The following SNX5 variants were observed in gnomAD, a reference collection of about 807,000 sequenced individuals.
SNX5 encodes the protein sorting nexin-5.
In SNX5, 31 loss-of-function variants were observed where a neutral mutation model predicts 53.9. The observed-to-expected ratio is 0.58, with a 90% confidence interval of 0.43 to 0.78. The LOEUF is 0.78. Ranked by LOEUF, SNX5 falls within the 30% of genes least tolerant of loss-of-function variation. The pLI is 0.00. For missense variants in SNX5, 471 were observed against 478.8 expected, an observed-to-expected ratio of 0.98 and a Z score of 0.15; for synonymous variants, 168 against 171.1, an observed-to-expected ratio of 0.98 and a Z score of 0.14.
At chr20:17,951,641 T>C (rs986903188) in intron 5 of SNX5, 46 bp from the exon 6 acceptor site, 16 of 1,297,794 alleles carry the variant, frequency 1.2e-5, no homozygotes, top group Non-Finnish European at 1.8e-5. Context: ...TGGATTTTTC[T>C]AGATTCTCTT....
chr20:17,942,920 A>C (rs2039437046), intron 12 of SNX5, 190 bp downstream of exon 12: 1 of 531,274 alleles, frequency 1.9e-6, no homozygotes, highest in Admixed American at 3.2e-5. Flanking sequence ...AAAGTTGCTA[A>C]AAATTAGTCA....
intron 10 of SNX5, 57 bp downstream of exon 10, chr20:17,948,833 T>G (rs1331331135): frequency 7.0e-7 from 1 of 1,426,766 alleles, no homozygotes; most frequent in Non-Finnish European, 9.8e-7. Flanking sequence ...AAAGAAACTT[T>G]TTAAACAGAC....
chr20:17,947,696 A>G lies in SNX5; in HGVS notation c.919-51T>C, dbSNP rs755917383. ...ATACTAAGTATCTAAACCAGTCTAA[A>G]AAATAGCCCAAGTGCCAATGTACCA... On this transcript the variant is annotated intron_variant, in intron 10 of 12. Transcript: ENST00000377759. 2.7e-6 allele frequency: 4 copies of G among 1,500,052 alleles called. No individual in the cohort carries two copies. In the South Asian group the frequency reaches 5.1e-5, roughly 19 times the overall value. The allele number at this position is 1,500,052 out of a possible 1,614,324, so 92.9% of individuals were successfully genotyped here.
chr20:17,960,062 TG>T (rs1377409363), intron 1 of SNX5, among the ~76,000 whole-genome samples: 1 of 152,218 alleles, frequency 6.6e-6, no homozygotes, highest in African/African-American at 2.4e-5. Flanking sequence ...GCCTTGGGCA[TG>T]CCGGACCTTT....
chr20:17,952,677 G>A lies in SNX5; in HGVS notation c.423C>T (p.Ser141=), dbSNP rs984501724. The change falls in exon 5 of 13, where the codon TCC becomes TCT. Residue 141 remains serine, a synonymous_variant. Coordinates refer to ENST00000377759, the MANE Select transcript of SNX5 (RefSeq NM_014426.4). The part of the protein sequence containing the change: ...EYLAVFKKTV[S]SHEVFLQRLS... The stretch of plus-strand genomic sequence containing the variant: ...GCCGCTGAAGAAAGACTTCATGGGA[G>A]GACACAGTCTTCTTAAACACAGCGA... 5 of 1,613,946 alleles carry A rather than the reference G, an allele frequency of 3.1e-6. No homozygotes were observed. Among genetic ancestry groups the A allele is most frequent in the Non-Finnish European group, 3.4e-6 (4 of 1,179,920 alleles).
chr20:17,959,638 C>CCAT (rs2035417545), intron 1 of SNX5, among the ~76,000 whole-genome samples: 1 of 152,284 alleles, frequency 6.6e-6, no homozygotes, highest in Admixed American at 6.5e-5. Flanking sequence ...AGCATCCAGG[C>CCAT]CATCATTAAC....
chr20:17,946,424 C>T (rs189028241), intron 11 of SNX5, among the ~76,000 whole-genome samples: 227 of 152,268 alleles, frequency 1.5e-3, no homozygotes, highest in Middle Eastern at 0.01. Context: ...CTAAAAAAGA[C>T]GGGTTAGGCT....
chr20:17,942,605 AGTG>A, intron 12 of SNX5, 198 bp from the exon 13 acceptor site: 2 of 601,978 alleles, frequency 3.3e-6, no homozygotes, highest in South Asian at 3.9e-5. Context: ...CCTCTCCCTC[AGTG>A]GGTAAGGCTA....
chr20:17,953,826 A>G (rs2035306940), intron 4 of SNX5, among the ~76,000 whole-genome samples, 170 bp downstream of exon 4: 1 of 152,156 alleles, frequency 6.6e-6, no homozygotes, highest in African/African-American at 2.4e-5. Context: ...TACAAAGACC[A>G]TGTCCCACAC....
At chr20:17,965,581 T>TG (rs2035524194) in intron 1 of SNX5, among the ~76,000 whole-genome samples, 1 of 148,400 alleles carries the variant, frequency 6.7e-6, no homozygotes, top group Non-Finnish European at 1.5e-5. Context: ...GAGGTGGGGG[T>TG]GATCACCTGA....
chr20:17,948,811 G>T, intron 10 of SNX5, 79 bp downstream of exon 10: 3 of 1,093,994 alleles, frequency 2.7e-6, no homozygotes, highest in Non-Finnish European at 4.1e-6. Context: ...TTCTTATTCT[G>T]CTCCTTTGTA....
chr20:17,965,999 ACAC>A (rs994045340), intron 1 of SNX5, among the ~76,000 whole-genome samples: 2 of 152,146 alleles, frequency 1.3e-5, no homozygotes, highest in Non-Finnish European at 2.9e-5. Flanking sequence ...GGCAGCTTCC[ACAC>A]CAGTTAAACA....
chr20:17,950,267 T>G (rs746688253), intron 7 of SNX5, 24 bp downstream of exon 7: 4 of 1,610,304 alleles, frequency 2.5e-6, no homozygotes, highest in Middle Eastern at 1.7e-4. Flanking sequence ...AGCAAAGCTC[T>G]GACTAGCGGT....
At chr20:17,946,953 A>C (rs1477908387) in intron 11 of SNX5, among the ~76,000 whole-genome samples, 1 of 152,226 alleles carries the variant, frequency 6.6e-6, no homozygotes, top group Non-Finnish European at 1.5e-5. Context: ...CCATAACCAG[A>C]TCTAAACATG....
intron 9 of SNX5, 41 bp downstream of exon 9, chr20:17,949,023 T>C: frequency 6.2e-7 from 1 of 1,608,032 alleles, no homozygotes. Context: ...AGCTATAGAT[T>C]ATAAAATATA....
chr20:17,967,337 A>G (rs1413715842), intron 1 of SNX5, among the ~76,000 whole-genome samples: 1 of 137,828 alleles, frequency 7.3e-6, no homozygotes, highest in Non-Finnish European at 1.6e-5. Context: ...AGTAATAAAG[A>G]ACTTTCAAAA....
At chr20:17,945,259 TA>T (rs2122344699) in intron 11 of SNX5, 1 of 152,342 alleles carries the variant, frequency 6.6e-6, no homozygotes, top group South Asian at 2.1e-4. Context: ...TCCATACACT[TA>T]ACTATTCACC....
At chr20:17,961,204 G>C (rs2035442447) in intron 1 of SNX5, 1 of 985,282 alleles carries the variant, frequency 1.0e-6, no homozygotes, top group Non-Finnish European at 1.2e-6. Context: ...TGCAGCTGTT[G>C]AGCTCCTGCC....
chr20:17,946,775 C>T (rs890077843), intron 11 of SNX5, among the ~76,000 whole-genome samples: 3 of 152,184 alleles, frequency 2.0e-5, no homozygotes, highest in African/African-American at 7.2e-5. Context: ...TAAATTGCCT[C>T]ACCACAGATT....
Sources: allele counts gnomAD v4.1 joint callset (sites outside exome capture counted in the v4.1 genomes callset), GRCh38; gene constraint gnomAD v4.1.1; transcripts MANE v1.5; gene names NCBI Gene and HGNC (gene_info 2026-07-23, HGNC 2026-07-21).